Variants in CLNK observed in about 807,000 individuals in gnomAD.
CLNK encodes cytokine dependent hematopoietic cell linker.
A neutral mutation model predicts 68.6 loss-of-function variants in CLNK; 74 were observed. The ratio of observed to expected loss-of-function variants is 1.08; its 90% CI spans 0.89 to 1.31. The LOEUF is 1.31. CLNK is among the 50% of genes most tolerant of loss of function. CLNK has a pLI of 0.00. For synonymous variants in CLNK, 198 were observed against 172.2 expected, an observed-to-expected ratio of 1.15 and a Z score of -1.17; for missense variants, 553 against 515.3, an observed-to-expected ratio of 1.07 and a Z score of -0.71.
chr4:10,526,503 A>G (rs1274394118), intron 13 of CLNK, among the ~76,000 whole-genome samples: 2 of 152,182 alleles, frequency 1.3e-5, no homozygotes, highest in South Asian at 2.1e-4. Flanking sequence ...GCTAAAAAAG[A>G]CCTTTCTGAG....
chr4:10,496,991 GTTT>G (rs1716835559), intron 18 of CLNK, among the ~76,000 whole-genome samples: 2 of 152,068 alleles, frequency 1.3e-5, no homozygotes, highest in African/African-American at 4.8e-5. Flanking sequence ...TCCTTGCTTT[GTTT>G]GTGTGTTTTG....
chr4:10,617,590 A>G (rs1346395522), intron 2 of CLNK, among the ~76,000 whole-genome samples: 1 of 152,278 alleles, frequency 6.6e-6, no homozygotes, highest in Non-Finnish European at 1.5e-5. Context: ...ATGAAATAAT[A>G]GTCAATTTTT....
At chr4:10,494,520 C>A (rs924511552) in intron 18 of CLNK, among the ~76,000 whole-genome samples, 1 of 150,634 alleles carries the variant, frequency 6.6e-6, no homozygotes, top group African/African-American at 2.4e-5. Flanking sequence ...TGCAGTGGCA[C>A]AATCTTGGCT....
the CLNK span, among the ~76,000 whole-genome samples, chr4:10,695,100 G>A: frequency 6.6e-6 from 1 of 152,054 alleles, no homozygotes; most frequent in African/African-American, 2.4e-5. Flanking sequence ...TAGACAGGAG[G>A]AGTCAGTTCT....
intron 5 of CLNK, 114 bp from the exon 6 acceptor site, chr4:10,566,264 T>G: frequency 9.9e-7 from 1 of 1,010,894 alleles, no homozygotes; most frequent in Non-Finnish European, 1.5e-6. Flanking sequence ...AGTTAAATAT[T>G]TAAGAATCTA....
the CLNK span, among the ~76,000 whole-genome samples, chr4:10,706,021 T>C: frequency 6.6e-6 from 1 of 152,246 alleles, no homozygotes; most frequent in East Asian, 1.9e-4. Context: ...GATCAGCAGC[T>C]CTGTCTGAAG....
intron 2 of CLNK, among the ~76,000 whole-genome samples, chr4:10,658,826 C>A (rs577772092): frequency 3.3e-5 from 5 of 152,204 alleles, no homozygotes; most frequent in Non-Finnish European, 7.3e-5. Context: ...AATAGATTCA[C>A]CCTTGAATGG....
chr4:10,491,938 C>T (rs1444371767), intron 18 of CLNK, among the ~76,000 whole-genome samples: 1 of 152,126 alleles, frequency 6.6e-6, no homozygotes, highest in African/African-American at 2.4e-5. Flanking sequence ...TCACCCTCTC[C>T]CTCTCTGAGC....
At position 10,544,219 on chromosome 4, in the gene CLNK, A is replaced by C. The variant is rs371148216; in HGVS notation, c.446-1939T>G. On this transcript the variant is annotated intron_variant, in intron 8 of 18. Coordinates refer to ENST00000226951, the MANE Select transcript of CLNK (RefSeq NM_052964.4). The stretch of plus-strand genomic sequence containing the variant: ...CTGAGTTCCTGTAATTTAATAGGAA[A>C]ATTCCCTTTGTGGTTTTCAAGATAT... Among the ~76,000 whole-genome samples, 5 of 152,298 alleles carry C rather than the reference A, an allele frequency of 3.3e-5. No homozygotes were observed. The South Asian group carries it at 1.0e-3, about 32-fold the overall frequency.
chr4:10,702,484 A>C, the CLNK span, among the ~76,000 whole-genome samples: 2 of 152,178 alleles, frequency 1.3e-5, no homozygotes, highest in Non-Finnish European at 2.9e-5. Context: ...GCCGAGAATG[A>C]TGCATGCACA....
chr4:10,644,007 C>T (rs757946708), intron 2 of CLNK, among the ~76,000 whole-genome samples: 16 of 152,010 alleles, frequency 1.1e-4, no homozygotes, highest in African/African-American at 1.2e-4. Context: ...AATATGGAGA[C>T]GAATTTGGGC....
At chr4:10,498,191 G>A (rs988302934) in intron 18 of CLNK, among the ~76,000 whole-genome samples, 4 of 149,790 alleles carry the variant, frequency 2.7e-5, no homozygotes, top group South Asian at 2.1e-4. Flanking sequence ...ACGAGACTCC[G>A]TCTTAGAATA....
chr4:10,576,766 A>G (rs999900031), intron 4 of CLNK, among the ~76,000 whole-genome samples: 1 of 152,236 alleles, frequency 6.6e-6, no homozygotes, highest in Non-Finnish European at 1.5e-5. Context: ...TTTTTCCTCC[A>G]GCTCCTCTGG....
the CLNK span, among the ~76,000 whole-genome samples, chr4:10,714,672 AC>A: frequency 4.2e-5 from 6 of 141,322 alleles, no homozygotes; most frequent in African/African-American, 1.6e-4. Flanking sequence ...CTTAGATAAT[AC>A]ATTCATTGTG....
chr4:10,506,944 C>T (rs1327321161), intron 17 of CLNK, among the ~76,000 whole-genome samples: 8 of 151,514 alleles, frequency 5.3e-5, no homozygotes, highest in Admixed American at 3.9e-4. Context: ...GGACTACAGG[C>T]GCCTGCCACC....
At chr4:10,672,641 C>T (rs1014345179) in intron 1 of CLNK, among the ~76,000 whole-genome samples, 11 of 152,256 alleles carry the variant, frequency 7.2e-5, no homozygotes, top group African/African-American at 1.9e-4. Flanking sequence ...ATCTTGTACC[C>T]GCCTATGCTT....
intron 7 of CLNK, among the ~76,000 whole-genome samples, chr4:10,560,619 C>T (rs1256631705): frequency 6.7e-6 from 1 of 150,126 alleles, no homozygotes; most frequent in Non-Finnish European, 1.5e-5. Context: ...AATTTTTGTA[C>T]TTTTTGTAGA....
intron 2 of CLNK, among the ~76,000 whole-genome samples, chr4:10,601,317 T>C (rs1321240799): frequency 6.6e-6 from 1 of 151,944 alleles, no homozygotes; most frequent in Non-Finnish European, 1.5e-5. Context: ...GTGGGGAGAA[T>C]GGAGAATGGG....
At chr4:10,507,244 T>C (rs1717342686) in intron 17 of CLNK, among the ~76,000 whole-genome samples, 1 of 151,814 alleles carries the variant, frequency 6.6e-6, no homozygotes, top group South Asian at 2.1e-4. Flanking sequence ...CCCGAGTAGC[T>C]GAGATTATAG....
Sources: gnomAD v4.1 joint callset for allele counts (sites outside exome capture counted in the v4.1 genomes callset) on GRCh38, gnomAD v4.1.1 for gene constraint, MANE v1.5 for transcripts, NCBI Gene and HGNC (gene_info 2026-07-23, HGNC 2026-07-21) for gene names.